Variants in PTPRZ1 observed in about 807,000 individuals in gnomAD.
PTPRZ1 encodes protein tyrosine phosphatase receptor type Z1.
In PTPRZ1, 82 loss-of-function variants were observed where a neutral mutation model predicts 214.1. The ratio of observed to expected loss-of-function variants is 0.38; its 90% CI spans 0.32 to 0.46. The LOEUF is 0.46. Among genes scored for constraint, PTPRZ1 ranks in the 20% least tolerant of loss-of-function variants. The pLI, the probability that PTPRZ1 is intolerant of heterozygous loss-of-function variation, is 1.00. For missense variants in PTPRZ1, 2,603 were observed against 2,748.7 expected, an observed-to-expected ratio of 0.95 and a Z score of 1.19; for synonymous variants, 945 against 987.9, an observed-to-expected ratio of 0.96 and a Z score of 0.81.
chr7:121,927,799 A>G (rs1264691041), intron 1 of PTPRZ1, among the ~76,000 whole-genome samples: 1 of 152,218 alleles, frequency 6.6e-6, no homozygotes, highest in Non-Finnish European at 1.5e-5. Context: ...TTCAGGCATT[A>G]GACTTAGGGA....
intron 15 of PTPRZ1, chr7:122,033,891 A>G (rs1799459716): frequency 1.9e-6 from 1 of 537,182 alleles, no homozygotes; most frequent in Admixed American, 3.7e-5. Flanking sequence ...TTTCTTTTAC[A>G]TAATTTTAAA....
At position 122,040,924 on chromosome 7, in the gene PTPRZ1, A is replaced by G. The variant is rs1330198698; in HGVS notation, c.5746A>G (p.Arg1916Gly). Residue 1916 changes from arginine to glycine, a missense_variant, in exon 21 of 30, where the codon AGA (arginine) becomes GGA (glycine). By Grantham distance (125) the Arg-to-Gly change is moderately radical. Coordinates refer to ENST00000393386, the MANE Select transcript of PTPRZ1 (RefSeq NM_002851.3). ...EYSLPVLTFV[R>G]KAAYAKRHAV... ...CTCCCTGCCAGTGCTGACCTTTGTGAGAAAGGCAGCCTATGCCAAGCGCCA... is the reference window on the plus strand; with the variant it reads ...CTCCCTGCCAGTGCTGACCTTTGTGGGAAAGGCAGCCTATGCCAAGCGCCA... 3 of 1,602,976 alleles carry G rather than the reference A, an allele frequency of 1.9e-6. No individual in the cohort carries two copies. The highest frequency in any genetic ancestry group is 2.2e-5 in the South Asian group (2 of 90,454).
chr7:121,900,420 T>G (rs1176227534), intron 1 of PTPRZ1, among the ~76,000 whole-genome samples: 1 of 152,202 alleles, frequency 6.6e-6, no homozygotes, highest in East Asian at 1.9e-4. Context: ...TTGGATTGGA[T>G]CCCATTGATG....
At chr7:121,953,994 C>T (rs985792831) in intron 2 of PTPRZ1, among the ~76,000 whole-genome samples, 13 of 152,332 alleles carry the variant, frequency 8.5e-5, no homozygotes, top group South Asian at 6.2e-4. Context: ...CATCCATTCA[C>T]TCCCTCCTCT....
At position 122,040,979 on chromosome 7, in the gene PTPRZ1, G is replaced by A; in HGVS notation, c.5801G>A (p.Ser1934Asn). Reference protein sequence around the residue: ...HAVGPVVVHCSAGVGRTGTYI... With the variant: ...HAVGPVVVHCNAGVGRTGTYI... ...GTGGGGCCTGTTGTCGTCCACTGCA[G>A]GTGAGTCTCAGAGATGTGCCTCTAA... Residue 1934 changes from serine to asparagine, a missense_variant and splice_region_variant, in exon 21 of 30, where the codon AGT becomes AAT. By Grantham distance (46) the Ser-to-Asn change is conservative. This residue lies in a region of PTPRZ1 where 1,913 missense variants were observed against 1,914.3 expected (regional missense o/e 1.00). Coordinates refer to ENST00000393386, the MANE Select transcript of PTPRZ1 (RefSeq NM_002851.3). The A allele has an allele frequency of 6.5e-7, 1 of 1,541,370 alleles. No individual in the cohort carries two copies. The highest frequency in any genetic ancestry group is 8.8e-7 in the Non-Finnish European group (1 of 1,134,226).
At chr7:122,053,779 A>C in intron 25 of PTPRZ1, 131 bp from the exon 26 acceptor site, 2 of 1,105,284 alleles carry the variant, frequency 1.8e-6, no homozygotes, top group Non-Finnish European at 2.6e-6. Flanking sequence ...TAATAATCAT[A>C]TTACTACATA....
chr7:122,025,314 T>C (rs1034945924), intron 13 of PTPRZ1, among the ~76,000 whole-genome samples: 1 of 151,234 alleles, frequency 6.6e-6, no homozygotes, highest in Admixed American at 6.6e-5. Context: ...TTCAAAACAG[T>C]CTTTTCTTTT....
At chr7:121,911,091 C>T (rs1284568272) in intron 1 of PTPRZ1, among the ~76,000 whole-genome samples, 1 of 152,016 alleles carries the variant, frequency 6.6e-6, no homozygotes, top group African/African-American at 2.4e-5. Context: ...CTGTAAGTTA[C>T]AAATACGAGG....
intron 3 of PTPRZ1, among the ~76,000 whole-genome samples, chr7:121,969,924 C>T (rs934091753): frequency 4.6e-4 from 70 of 150,698 alleles, no homozygotes; most frequent in Non-Finnish European, 7.4e-4. Flanking sequence ...TTACATTAGG[C>T]ATATCTCCTA....
chr7:121,983,570 A>G (rs1797679281), intron 6 of PTPRZ1, 95 bp from the exon 7 acceptor site: 2 of 1,205,486 alleles, frequency 1.7e-6, no homozygotes, highest in Non-Finnish European at 2.3e-6. Flanking sequence ...TTGATTAAAT[A>G]CATAACAAAG....
Position 122,013,140 on chromosome 7 carries a change from A to G in PTPRZ1, c.4094A>G (p.His1365Arg), listed in dbSNP as rs764331026. 21 of 1,613,930 alleles carry G rather than the reference A, an allele frequency of 1.3e-5. No homozygotes were observed. Among genetic ancestry groups the G allele is most frequent in the African/African-American group, 2.7e-5 (2 of 74,942 alleles). The change falls in exon 12 of 30, where the codon CAT (histidine) becomes CGT (arginine). Residue 1365 changes from histidine (H) to arginine (R), a missense_variant. Physicochemically the swap from His to Arg is conservative, Grantham distance 29. Around this residue, in one of 6 missense-constraint regions of PTPRZ1, gnomAD observed 1,913 missense variants for 1,914.3 expected, o/e 1.00. Transcript: ENST00000393386. Reference protein sequence around the residue: ...VASDTFVSTDHSVPIGNGHVA... With the variant: ...VASDTFVSTDRSVPIGNGHVA... ...TCTGATACATTTGTATCTACTGATC[A>G]TTCTGTTCCTATAGGAAATGGGCAT...
chr7:121,902,672 TA>T, intron 1 of PTPRZ1, among the ~76,000 whole-genome samples: 2 of 152,152 alleles, frequency 1.3e-5, no homozygotes, highest in South Asian at 4.1e-4. Flanking sequence ...TTTTGAGAAA[TA>T]TCTATTCAGA....
In PTPRZ1 at chr7:122,012,082, G is replaced by T; in HGVS notation, c.3036G>T (p.Gly1012=). ...DSEFLLPDTD[G]LTALNISSPV... ...AATTTCTTTTACCTGACACAGATGG[G>T]CTGACAGCCCTTAACATTTCTTCAC... Residue 1012 remains glycine, a synonymous_variant, in exon 12 of 30, where the codon GGG becomes GGT. Coordinates refer to ENST00000393386, the MANE Select transcript of PTPRZ1 (RefSeq NM_002851.3). 1 of 1,614,132 alleles carries T rather than the reference G, an allele frequency of 6.2e-7. No homozygotes were observed.
chr7:122,026,304 A>G (rs533239451), intron 13 of PTPRZ1, among the ~76,000 whole-genome samples: 3 of 152,314 alleles, frequency 2.0e-5, no homozygotes, highest in African/African-American at 7.2e-5. Flanking sequence ...TTTTAAAGGC[A>G]TTTTACAACG....
At chr7:121,938,582 A>G (rs185078938) in intron 2 of PTPRZ1, among the ~76,000 whole-genome samples, 1 of 152,316 alleles carries the variant, frequency 6.6e-6, no homozygotes, top group African/African-American at 2.4e-5. Flanking sequence ...CGATGTTTGC[A>G]TTTCATAAGG....
chr7:122,060,973 C>A, intron 29 of PTPRZ1, 107 bp from the exon 30 acceptor site: 1 of 1,069,166 alleles, frequency 9.4e-7, no homozygotes, highest in Non-Finnish European at 1.3e-6. Flanking sequence ...TAACACATTG[C>A]CCTTTCATGA....
At chr7:122,019,786 A>G (rs1194380035) in intron 13 of PTPRZ1, among the ~76,000 whole-genome samples, 2 of 152,180 alleles carry the variant, frequency 1.3e-5, no homozygotes, top group Non-Finnish European at 2.9e-5. Flanking sequence ...ATGCACAGGC[A>G]TTTAAGATAC....
chr7:121,936,353 A>G (rs567844308), intron 2 of PTPRZ1, among the ~76,000 whole-genome samples: 1 of 152,364 alleles, frequency 6.6e-6, no homozygotes, highest in East Asian at 1.9e-4. Flanking sequence ...TATTTCCTTT[A>G]TCCCTTAGGA....
intron 12 of PTPRZ1, among the ~76,000 whole-genome samples, chr7:122,016,191 A>G (rs78297358): frequency 0.16 from 24,751 of 151,988 alleles, 2,388 homozygotes; most frequent in Admixed American, 0.24. Flanking sequence ...GGAAATGTCT[A>G]TCTCTTAAAG....
Sources: allele counts gnomAD v4.1 joint callset (sites outside exome capture counted in the v4.1 genomes callset), GRCh38; gene constraint gnomAD v4.1.1; regional missense constraint gnomAD v4.1.1; transcripts MANE v1.5; gene names NCBI Gene and HGNC (gene_info 2026-07-23, HGNC 2026-07-21).